SWAP70: variants seen among roughly 807,000 people sequenced by gnomAD.
The protein encoded by SWAP70 is switching B cell complex subunit SWAP70.
In SWAP70, 34 loss-of-function variants were observed where a neutral mutation model predicts 80.2. The observed-to-expected ratio is 0.42, with a 90% CI of 0.32 to 0.56. The LOEUF (loss-of-function observed/expected upper bound fraction) is 0.56, where lower values mean the gene tolerates loss of function less well. Ranked by LOEUF, SWAP70 falls within the 20% of genes least tolerant of loss-of-function variation. The pLI is 0.09. For synonymous variants in SWAP70, 239 were observed against 238.5 expected (o/e 1.00, Z -0.02); for missense variants, 578 against 690.7 (o/e 0.84, Z 1.83).
intron 2 of SWAP70, among the ~76,000 whole-genome samples, chr11:9,698,016 C>T (rs1292724539): frequency 1.3e-5 from 2 of 151,976 alleles, no homozygotes; most frequent in Non-Finnish European, 2.9e-5. Flanking sequence ...GAACTCCTGC[C>T]CTCATGCAAT....
At chr11:9,714,157 A>G (rs2133796914) in intron 3 of SWAP70, among the ~76,000 whole-genome samples, 1 of 142,924 alleles carries the variant, frequency 7.0e-6, no homozygotes, top group East Asian at 1.9e-4. Flanking sequence ...AATAGGAGTA[A>G]GGCTTCTGTG....
In SWAP70 at chr11:9,694,306, T is replaced by A. The variant is rs765052862; in HGVS notation, c.240+20T>A. The stretch of plus-strand genomic sequence containing the variant: ...GAAAAGGTATGATTCTAACCTTTTT[T>A]TGGGTGTAGCATTGTTTGGTTTGCA... On this transcript the variant is annotated intron_variant, in intron 2 of 11. Transcript: ENST00000318950. The A allele has an allele frequency of 8.1e-6, 13 of 1,601,742 alleles. No homozygotes were observed. The highest frequency in any genetic ancestry group is 1.0e-5 in the Non-Finnish European group (12 of 1,174,204).
In SWAP70 at chr11:9,729,487, T is replaced by C. The variant is rs775446743; in HGVS notation, c.898+36T>C. 7 of 1,466,848 alleles carry C rather than the reference T, an allele frequency of 4.8e-6. No homozygotes were observed. In the South Asian group the frequency reaches 8.3e-5, roughly 17 times the overall value. The allele number at this position is 1,466,848 out of a possible 1,614,324, so 90.9% of individuals were successfully genotyped here. On this transcript the variant is annotated intron_variant, in intron 6 of 11. Coordinates refer to ENST00000318950, the MANE Select transcript of SWAP70 (RefSeq NM_015055.4). ...TTTTTATTATTTGCCATGATATAACTTGAAAGCTCTGACTTTCTTTTTTTT... is the reference window on the plus strand; with the variant it reads ...TTTTTATTATTTGCCATGATATAACCTGAAAGCTCTGACTTTCTTTTTTTT...
chr11:9,694,340 G>C, intron 2 of SWAP70, 54 bp downstream of exon 2: 2 of 1,526,654 alleles, frequency 1.3e-6, no homozygotes, highest in Non-Finnish European at 1.8e-6. Context: ...CATGTTTCAA[G>C]TGGGCCCAAA....
intron 4 of SWAP70, among the ~76,000 whole-genome samples, chr11:9,725,559 ATATATATATATTT>A (rs1851207270): frequency 1.7e-4 from 2 of 11,850 alleles, no homozygotes; most frequent in Admixed American, 2.0e-3. Context: ...ATATATATAT[ATATATATATATTT>A]TTTTTTTTTT....
At chr11:9,743,513 C>T (rs558938969) in intron 9 of SWAP70, among the ~76,000 whole-genome samples, 10 of 151,330 alleles carry the variant, frequency 6.6e-5, no homozygotes, top group Non-Finnish European at 1.3e-4. Flanking sequence ...TACAGTCCCA[C>T]CAACAGTGTA....
chr11:9,729,315 G>T, intron 5 of SWAP70, 28 bp from the exon 6 acceptor site: 1 of 1,393,528 alleles, frequency 7.2e-7, no homozygotes, highest in Non-Finnish European at 1.0e-6. Context: ...TTAAAATTTT[G>T]AGGAACTAAT....
intron 3 of SWAP70, among the ~76,000 whole-genome samples, chr11:9,717,351 A>T (rs1427474248): frequency 1.3e-5 from 2 of 152,212 alleles, no homozygotes; most frequent in Non-Finnish European, 2.9e-5. Context: ...ACAGTATTTT[A>T]GGCTAAGTGT....
chr11:9,672,454 T>A (rs1375301007), intron 1 of SWAP70, among the ~76,000 whole-genome samples: 1 of 150,530 alleles, frequency 6.6e-6, no homozygotes, highest in East Asian at 1.9e-4. Context: ...ACCCATGACC[T>A]CCATGCTGAA....
chr11:9,744,233 A>T (rs1282079380), intron 9 of SWAP70, among the ~76,000 whole-genome samples: 1 of 152,202 alleles, frequency 6.6e-6, no homozygotes, highest in Non-Finnish European at 1.5e-5. Flanking sequence ...AAGTGCTGGG[A>T]TTACAGGCTT....
At chr11:9,719,502 C>G (rs61876865) in intron 3 of SWAP70, among the ~76,000 whole-genome samples, 1 of 151,636 alleles carries the variant, frequency 6.6e-6, no homozygotes, top group East Asian at 1.9e-4. Flanking sequence ...GAGCCGAGAT[C>G]GTGCCACTGG....
intron 2 of SWAP70, among the ~76,000 whole-genome samples, chr11:9,699,763 G>A (rs1247438817): frequency 1.3e-5 from 2 of 151,930 alleles, no homozygotes; most frequent in East Asian, 3.9e-4. Flanking sequence ...GACTGAGGTG[G>A]GAGGATTGCT....
At chr11:9,674,995 A>G (rs1002733490) in intron 1 of SWAP70, among the ~76,000 whole-genome samples, 9 of 150,748 alleles carry the variant, frequency 6.0e-5, no homozygotes, top group Non-Finnish European at 1.2e-4. Flanking sequence ...TTTTAAATTT[A>G]AAAAATAGAA....
chr11:9,674,669 AAAAT>A (rs766665903), intron 1 of SWAP70, among the ~76,000 whole-genome samples: 1 of 152,100 alleles, frequency 6.6e-6, no homozygotes, highest in Non-Finnish European at 1.5e-5. Flanking sequence ...CTTTGTCTCA[AAAAT>A]AAATAAATAG....
At chr11:9,741,037 TG>T (rs978433387) in intron 9 of SWAP70, 1 of 153,348 alleles carries the variant, frequency 6.5e-6, no homozygotes, top group Admixed American at 6.5e-5. Flanking sequence ...TTAAGGTGTC[TG>T]GGATGGGAGA....
At chr11:9,740,439 A>G in intron 9 of SWAP70, 92 bp downstream of exon 9, 1 of 1,312,914 alleles carries the variant, frequency 7.6e-7, no homozygotes, top group African/African-American at 1.4e-5. Flanking sequence ...GGAGAGGGAG[A>G]AGTGTCTCTG....
At chr11:9,712,132 A>T (rs1396769648) in intron 2 of SWAP70, among the ~76,000 whole-genome samples, 1 of 152,106 alleles carries the variant, frequency 6.6e-6, no homozygotes, top group East Asian at 1.9e-4. Flanking sequence ...CAGTGCTCCC[A>T]CAAAATCCTC....
rs1311246055 is a variant in SWAP70, at chr11:9,707,553, TTTTC to T, written c.241-5909_241-5906del. Among the ~76,000 whole-genome samples, 60 of 122,130 alleles carry T rather than the reference TTTTC, an allele frequency of 4.9e-4. 5 individuals carry two copies. The highest frequency in any genetic ancestry group is 4.2e-3 in the Middle Eastern group (1 of 238). The allele number at this position is 122,130 out of a possible 152,430, so 80.1% of individuals were successfully genotyped here. On this transcript the variant is annotated intron_variant, in intron 2 of 11. Transcript: ENST00000318950. ...ATGTATATAACACATTTTCTTTTTCTTTTCTTTTTTTTTTTTTTTTGAGACAGAG... is the reference window on the plus strand; with the variant it reads ...ATGTATATAACACATTTTCTTTTTCTTTTTTTTTTTTTTTTTGAGACAGAG...
chr11:9,727,412 ATGAAGTCTC>A (rs1851240049), intron 4 of SWAP70, among the ~76,000 whole-genome samples: 1 of 152,168 alleles, frequency 6.6e-6, no homozygotes, highest in Non-Finnish European at 1.5e-5. Context: ...TTTTGTAGAA[ATGAAGTCTC>A]ACTATGTTGC....
Sources: allele counts gnomAD v4.1 joint callset (sites outside exome capture counted in the v4.1 genomes callset), GRCh38; gene constraint gnomAD v4.1.1; transcripts MANE v1.5; gene names NCBI Gene and HGNC (gene_info 2026-07-23, HGNC 2026-07-21).